The following SGMS2 variants were observed in gnomAD, a reference collection of about 807,000 sequenced individuals.
SGMS2 encodes phosphatidylcholine:ceramide cholinephosphotransferase 2.
SGMS2 carries 21 observed loss-of-function variants against 43.8 expected under a neutral mutation model. The ratio of observed to expected loss-of-function variants is 0.48; its 90% CI spans 0.34 to 0.69. SGMS2 has a LOEUF of 0.69. Ranked by LOEUF, SGMS2 falls within the 30% of genes least tolerant of loss-of-function variation. The pLI is 0.01. For missense variants in SGMS2, 384 were observed against 443.2 expected, an observed-to-expected ratio of 0.87 and a Z score of 1.20; for synonymous variants, 167 against 160.6, an observed-to-expected ratio of 1.04 and a Z score of -0.30.
At chr4:107,845,004 A>C (rs567106181) in intron 1 of SGMS2, among the ~76,000 whole-genome samples, 1 of 152,288 alleles carries the variant, frequency 6.6e-6, no homozygotes, top group African/African-American at 2.4e-5. Context: ...AGAGGCTTGG[A>C]AGTCTTCTTC....
At chr4:107,902,737 C>T (rs558906280) in intron 4 of SGMS2, among the ~76,000 whole-genome samples, 58 of 152,226 alleles carry the variant, frequency 3.8e-4, no homozygotes, top group Non-Finnish European at 7.8e-4. Context: ...AGTTGCAACT[C>T]CTCTTCTTAA....
chr4:107,882,872 A>G (rs866857366), intron 2 of SGMS2, among the ~76,000 whole-genome samples: 3 of 152,212 alleles, frequency 2.0e-5, no homozygotes, highest in Admixed American at 6.5e-5. Flanking sequence ...TTTAAGTTCA[A>G]TGTATAAACA....
At chr4:107,891,246 C>T (rs775452461) in intron 2 of SGMS2, among the ~76,000 whole-genome samples, 8 of 150,132 alleles carry the variant, frequency 5.3e-5, no homozygotes, top group South Asian at 2.1e-4. Flanking sequence ...TTGATCAAGT[C>T]GGAAGAAGTT....
chr4:107,904,054 C>T (rs546814032), intron 5 of SGMS2, among the ~76,000 whole-genome samples: 2 of 152,208 alleles, frequency 1.3e-5, no homozygotes, highest in Admixed American at 6.5e-5. Context: ...GTTTTATGGC[C>T]AAAATCATGT....
intron 3 of SGMS2, among the ~76,000 whole-genome samples, chr4:107,896,894 G>A (rs1339214729): frequency 1.3e-5 from 2 of 152,044 alleles, no homozygotes; most frequent in African/African-American, 2.4e-5. Flanking sequence ...CACTGGGATG[G>A]TAGTGATTAA....
In SGMS2 at chr4:107,913,580, T is replaced by G. The variant is rs562559806; in HGVS notation, c.*3027T>G. ...TTTGAAAGGCATTTGTTTTCTGTTG[T>G]TTGCCAATAATCTGAAAGTATCATG... On this transcript the variant is annotated 3_prime_UTR_variant, in exon 7 of 7. Transcript: ENST00000690982. The G allele has an allele frequency of 6.6e-6, 1 of 152,328 alleles. No homozygotes were observed. The highest frequency in any genetic ancestry group is 6.5e-5 in the Admixed American group (1 of 15,292). The allele number at this position is 152,328 out of a possible 1,614,324, so 9.4% of individuals were successfully genotyped here. A position where few individuals can be genotyped will look rare whatever the true frequency, so the allele number is the denominator to read the frequency against.
chr4:107,885,019 G>C (rs1206336847), intron 2 of SGMS2, among the ~76,000 whole-genome samples: 3 of 152,158 alleles, frequency 2.0e-5, no homozygotes, highest in Admixed American at 6.6e-5. Flanking sequence ...TCTCTCAGTG[G>C]ATGGCAGTTT....
intron 2 of SGMS2, chr4:107,866,979 G>C (rs1179750597): frequency 6.6e-6 from 1 of 152,132 alleles, no homozygotes; most frequent in South Asian, 2.1e-4. Context: ...TGTGACTTCT[G>C]ATCCAGGGCT....
chr4:107,855,613 A>G (rs1371911780), intron 1 of SGMS2, among the ~76,000 whole-genome samples: 5 of 152,200 alleles, frequency 3.3e-5, no homozygotes, highest in Non-Finnish European at 5.9e-5. Context: ...GATATGATCT[A>G]TTCTGGAGAA....
chr4:107,892,157 T>C (rs557539438), intron 2 of SGMS2, among the ~76,000 whole-genome samples: 1 of 131,972 alleles, frequency 7.6e-6, no homozygotes, highest in African/African-American at 2.9e-5. Flanking sequence ...GGAAACTCCG[T>C]AAAGGAGTTA....
At chr4:107,871,857 C>T (rs554854355) in intron 2 of SGMS2, among the ~76,000 whole-genome samples, 1 of 152,188 alleles carries the variant, frequency 6.6e-6, no homozygotes, top group South Asian at 2.1e-4. Context: ...CCACATAATG[C>T]TTTTGTTTTT....
intron 6 of SGMS2, 23 bp downstream of exon 6, chr4:107,908,754 G>T: frequency 6.2e-7 from 1 of 1,600,676 alleles, no homozygotes; most frequent in East Asian, 2.2e-5. Context: ...AAGATGCTTG[G>T]ATAATTTCTT....
chr4:107,894,988 G>T (rs530801966), intron 2 of SGMS2, among the ~76,000 whole-genome samples: 1 of 152,126 alleles, frequency 6.6e-6, no homozygotes, highest in South Asian at 2.1e-4. Context: ...TGACTTCATG[G>T]TTAGCAACAA....
chr4:107,830,152 T>C lies in SGMS2; in HGVS notation c.-327+4899T>C, dbSNP rs28441378. On this transcript the variant is annotated intron_variant, in intron 1 of 6. Transcript: ENST00000690982. The stretch of plus-strand genomic sequence containing the variant: ...AGTATTTGGTTTTCTGTTCCTGTGT[T>C]AATTCACTTAGGATAATGGCCTCCA... 7.2e-3 allele frequency among the ~76,000 whole-genome samples: 1,101 copies of C among 152,290 alleles called. 14 individuals are homozygous for C. Among genetic ancestry groups the C allele is most frequent in the African/African-American group, 0.025 (1,038 of 41,542 alleles).
chr4:107,875,143 T>C (rs1578581579), intron 2 of SGMS2, among the ~76,000 whole-genome samples: 2 of 152,324 alleles, frequency 1.3e-5, no homozygotes, highest in Non-Finnish European at 2.9e-5. Context: ...TAGTCACTCA[T>C]GCAAAAGCAA....
intron 1 of SGMS2, among the ~76,000 whole-genome samples, chr4:107,852,623 A>G (rs563915991): frequency 1.6e-4 from 24 of 152,316 alleles, no homozygotes; most frequent in African/African-American, 5.0e-4. Flanking sequence ...TTTTATACCC[A>G]TGAATATATA....
chr4:107,903,545 G>A (rs1305363901), intron 5 of SGMS2, among the ~76,000 whole-genome samples, 159 bp downstream of exon 5: 3 of 152,020 alleles, frequency 2.0e-5, no homozygotes, highest in Admixed American at 6.6e-5. Context: ...GTGTGTGTGC[G>A]TGTGTGTCTG....
chr4:107,877,418 G>A (rs1049555003), intron 2 of SGMS2, among the ~76,000 whole-genome samples: 5 of 152,168 alleles, frequency 3.3e-5, no homozygotes, highest in Non-Finnish European at 7.3e-5. Flanking sequence ...CAGTTTCTAG[G>A]TATATAAATC....
intron 1 of SGMS2, among the ~76,000 whole-genome samples, chr4:107,828,776 C>T (rs755032173): frequency 2.6e-5 from 4 of 152,180 alleles, no homozygotes; most frequent in Non-Finnish European, 4.4e-5. Context: ...TTTAAAATTT[C>T]AGAGTCTTAA....
Sources: gnomAD v4.1 joint callset for allele counts (sites outside exome capture counted in the v4.1 genomes callset) on GRCh38, gnomAD v4.1.1 for gene constraint, MANE v1.5 for transcripts, NCBI Gene and HGNC (gene_info 2026-07-23, HGNC 2026-07-21) for gene names.